The following KCNH7 variants were observed in gnomAD, a reference collection of about 807,000 sequenced individuals.
KCNH7 encodes the protein potassium voltage-gated channel subfamily H member 7.
Under a neutral mutation model 120.8 loss-of-function variants are expected in KCNH7, and 49 were observed. The observed-to-expected ratio is 0.41, with a 90% CI of 0.32 to 0.51. The LOEUF is 0.51. Ranked by LOEUF, KCNH7 falls within the 20% of genes least tolerant of loss-of-function variation. The pLI, the probability that KCNH7 is intolerant of heterozygous loss-of-function variation, is 0.38. For missense variants in KCNH7, 1,097 were observed against 1,446.6 expected (o/e 0.76, Z 3.92); for synonymous variants, 547 against 516.1 (o/e 1.06, Z -0.81).
chr2:162,392,601 C>T lies in KCNH7; in HGVS notation c.2710+1788G>A, dbSNP rs534645344. ...TTGAGCATCTGCTGTGCAGCAAGCA[C>T]TAAAACTACAGGGGGCCAAATATTT... On this transcript the variant is annotated intron_variant, in intron 12 of 15. Transcript: ENST00000332142. Among the ~76,000 whole-genome samples the T allele has an allele frequency of 3.9e-5, 6 of 152,112 alleles. No individual in the cohort carries two copies. The South Asian group carries it at 8.3e-4, about 21-fold the overall frequency.
intron 2 of KCNH7, among the ~76,000 whole-genome samples, chr2:162,798,604 GT>G (rs1684229935): frequency 6.6e-6 from 1 of 152,076 alleles, no homozygotes; most frequent in Non-Finnish European, 1.5e-5. Context: ...AATCAATATA[GT>G]CAGCAATATT....
intron 6 of KCNH7, among the ~76,000 whole-genome samples, chr2:162,484,403 CA>C (rs111256013): frequency 5.3e-4 from 81 of 152,248 alleles, no homozygotes; most frequent in African/African-American, 1.7e-3. Flanking sequence ...CTAAGGAGCA[CA>C]AGTTTCAAAA....
intron 2 of KCNH7, among the ~76,000 whole-genome samples, chr2:162,765,517 T>A (rs1282570488): frequency 6.6e-6 from 1 of 152,194 alleles, no homozygotes; most frequent in Non-Finnish European, 1.5e-5. Context: ...TCATAGGGAC[T>A]AGAGGTGCAT....
intron 8 of KCNH7, among the ~76,000 whole-genome samples, chr2:162,424,397 A>T (rs1687795333): frequency 6.6e-6 from 1 of 152,164 alleles, no homozygotes; most frequent in African/African-American, 2.4e-5. Flanking sequence ...ATTTCTAATA[A>T]TTCTAAAAAT....
chr2:162,690,120 G>T (rs1574270197), intron 2 of KCNH7, among the ~76,000 whole-genome samples: 1 of 152,100 alleles, frequency 6.6e-6, no homozygotes, highest in Admixed American at 6.6e-5. Context: ...TTAGCAAACT[G>T]ACACAGGGAC....
intron 2 of KCNH7, among the ~76,000 whole-genome samples, chr2:162,650,691 A>G (rs1269699102): frequency 2.0e-5 from 3 of 148,238 alleles, no homozygotes; most frequent in South Asian, 2.1e-4. Context: ...TCAGTTGCCA[A>G]TTTTCATCCC....
At chr2:162,780,535 T>A (rs1471342860) in intron 2 of KCNH7, among the ~76,000 whole-genome samples, 1 of 152,162 alleles carries the variant, frequency 6.6e-6, no homozygotes, top group Non-Finnish European at 1.5e-5. Context: ...AAAATATTAT[T>A]AAAGATAACA....
rs191286803 is a variant in KCNH7 at position 162,391,559 on chromosome 2, G to A, written c.2710+2830C>T. ...AGAGCTGCAGGCAGAAAATCCCTTA[G>A]CATCTACACTTTATACGAATTTGAT... On this transcript the variant is annotated intron_variant, in intron 12 of 15. Transcript: ENST00000332142. Among the ~76,000 whole-genome samples, 200 of 151,742 alleles carry A rather than the reference G, an allele frequency of 1.3e-3. 4 individuals are homozygous for A. Among genetic ancestry groups the A allele is most frequent in the Non-Finnish European group, 2.9e-5 (2 of 67,856 alleles).
chr2:162,400,123 T>C lies in KCNH7; in HGVS notation c.2407+66A>G. The C allele has an allele frequency of 2.6e-6, 4 of 1,526,812 alleles. No individual in the cohort carries two copies. The Admixed American group carries it at 5.7e-5, about 22-fold the overall frequency. The allele number at this position is 1,526,812 out of a possible 1,614,324, so 94.6% of individuals were successfully genotyped here. A position where few individuals can be genotyped will look rare whatever the true frequency, so the allele number is the denominator to read the frequency against. ...ACATACATCAGTCTTTTTTTCCTAA[T>C]CATTTTAAACTATGCATTACAAGCT... On this transcript the variant is annotated intron_variant, in intron 10 of 15. Transcript: ENST00000332142.
At chr2:162,550,010 G>A (rs564482160) in intron 2 of KCNH7, among the ~76,000 whole-genome samples, 4 of 152,254 alleles carry the variant, frequency 2.6e-5, no homozygotes, top group Non-Finnish European at 5.9e-5. Flanking sequence ...GAGTCTCTGC[G>A]TGGAGTATAT....
intron 6 of KCNH7, among the ~76,000 whole-genome samples, chr2:162,451,030 T>C (rs1181142609): frequency 6.6e-6 from 1 of 152,008 alleles, no homozygotes; most frequent in Non-Finnish European, 1.5e-5. Flanking sequence ...TATAAATCTT[T>C]GAAGTGTTTG....
chr2:162,624,957 C>T (rs1329971544), intron 2 of KCNH7, among the ~76,000 whole-genome samples: 3 of 127,104 alleles, frequency 2.4e-5, no homozygotes, highest in Non-Finnish European at 3.1e-5. Context: ...GAGGGCAATG[C>T]TATGATCTAG....
At chr2:162,594,129 G>T (rs1285418286) in intron 2 of KCNH7, among the ~76,000 whole-genome samples, 2 of 151,938 alleles carry the variant, frequency 1.3e-5, no homozygotes, top group African/African-American at 2.4e-5. Context: ...TTTGATGAAG[G>T]CCCCAAATTT....
chr2:162,556,017 C>G (rs1446364477), intron 2 of KCNH7, among the ~76,000 whole-genome samples: 1 of 151,980 alleles, frequency 6.6e-6, no homozygotes, highest in Non-Finnish European at 1.5e-5. Flanking sequence ...ATTACAAAAA[C>G]TAATGACACA....
chr2:162,836,464 T>C, intron 2 of KCNH7, 73 bp downstream of exon 2: 2 of 1,188,592 alleles, frequency 1.7e-6, no homozygotes, highest in African/African-American at 1.5e-5. Flanking sequence ...CTTCTTTGCA[T>C]ATGAACTTTT....
At chr2:162,738,810 G>C (rs755321101) in intron 2 of KCNH7, among the ~76,000 whole-genome samples, 3 of 152,166 alleles carry the variant, frequency 2.0e-5, no homozygotes, top group African/African-American at 7.2e-5. Context: ...ATTGTAATTG[G>C]AATCTCTCTC....
At chr2:162,713,690 C>A (rs1163114539) in intron 2 of KCNH7, among the ~76,000 whole-genome samples, 1 of 152,020 alleles carries the variant, frequency 6.6e-6, no homozygotes, top group African/African-American at 2.4e-5. Flanking sequence ...AGCTAAACAT[C>A]TTATGAACCA....
chr2:162,815,875 G>C (rs1019789902), intron 2 of KCNH7, among the ~76,000 whole-genome samples: 7 of 152,142 alleles, frequency 4.6e-5, no homozygotes, highest in African/African-American at 1.7e-4. Flanking sequence ...AGATCCATCT[G>C]ACCACATAAG....
chr2:162,626,084 T>C (rs1683544397), intron 2 of KCNH7, among the ~76,000 whole-genome samples: 2 of 152,272 alleles, frequency 1.3e-5, no homozygotes, highest in South Asian at 4.1e-4. Flanking sequence ...GGGGAAATTT[T>C]ATTTATATTA....
Sources: gnomAD v4.1 joint callset for allele counts (sites outside exome capture counted in the v4.1 genomes callset) on GRCh38, gnomAD v4.1.1 for gene constraint, MANE v1.5 for transcripts, NCBI Gene and HGNC (gene_info 2026-07-23, HGNC 2026-07-21) for gene names.